Variants in ASB4 observed in about 807,000 individuals in gnomAD.
ASB4 encodes the protein ankyrin repeat and SOCS box protein 4.
A neutral mutation model predicts 38.6 loss-of-function variants in ASB4; 35 were observed. The ratio of observed to expected loss-of-function variants is 0.91; its 90% CI spans 0.69 to 1.20. The LOEUF is 1.20. Ranked by LOEUF, ASB4 falls within the 50% of genes most tolerant of loss-of-function variation. The pLI is 0.00. For missense variants in ASB4, 557 were observed against 527.2 expected (o/e 1.06, Z -0.55); for synonymous variants, 195 against 201.3 (o/e 0.97, Z 0.26).
At chr7:95,500,786 C>A (rs1790325264) in intron 2 of ASB4, among the ~76,000 whole-genome samples, 1 of 152,114 alleles carries the variant, frequency 6.6e-6, no homozygotes, top group African/African-American at 2.4e-5. Context: ...ACTGTTATTT[C>A]TATGAATCAC....
upstream of ASB4, chr7:95,485,934 C>G (rs759416447): frequency 8.1e-6 from 13 of 1,595,206 alleles, no homozygotes; most frequent in Non-Finnish European, 1.1e-5. Flanking sequence ...GCTGTTCTCT[C>G]GATAAATCAC....
At chr7:95,489,666 GC>G (rs1269551037) in intron 1 of ASB4, among the ~76,000 whole-genome samples, 1 of 152,132 alleles carries the variant, frequency 6.6e-6, no homozygotes, top group Non-Finnish European at 1.5e-5. Flanking sequence ...AGCCAAAATT[GC>G]GTTTACCAGA....
downstream of ASB4, chr7:95,543,727 A>G (rs1790999003): frequency 6.6e-6 from 1 of 152,250 alleles, no homozygotes; most frequent in African/African-American, 2.4e-5. Flanking sequence ...TGATGCACGT[A>G]GATGAACATT....
At chr7:95,479,812 TTC>T (rs954548620) in intron 1 of ASB4, among the ~76,000 whole-genome samples, 2 of 152,156 alleles carry the variant, frequency 1.3e-5, no homozygotes, top group African/African-American at 4.8e-5. Flanking sequence ...TAAATGCATA[TTC>T]ATCAGTTATA....
At chr7:95,527,210 C>A (rs907939554) in intron 2 of ASB4, among the ~76,000 whole-genome samples, 3 of 151,890 alleles carry the variant, frequency 2.0e-5, no homozygotes, top group Non-Finnish European at 4.4e-5. Context: ...TGTGTGCATG[C>A]ACAGGCATAT....
chr7:95,521,658 CAAGG>C, intron 2 of ASB4, among the ~76,000 whole-genome samples: 1 of 146,570 alleles, frequency 6.8e-6, no homozygotes, highest in Non-Finnish European at 1.5e-5. Flanking sequence ...GTGGTTTATA[CAAGG>C]TAATTCTGTT....
chr7:95,535,672 T>C (rs918648850), intron 3 of ASB4, among the ~76,000 whole-genome samples: 5 of 152,356 alleles, frequency 3.3e-5, no homozygotes, highest in African/African-American at 1.2e-4. Flanking sequence ...TCTGGCCATC[T>C]TGACTAAGCT....
At chr7:95,544,825 G>T (rs1318122334), downstream of ASB4, among the ~76,000 whole-genome samples, 1 of 152,032 alleles carries the variant, frequency 6.6e-6, no homozygotes, top group African/African-American at 2.4e-5. Context: ...CTCCCAAGTA[G>T]CTGGGATTAC....
chr7:95,536,698 A>G (rs1167853554), intron 4 of ASB4, 148 bp downstream of exon 4: 1 of 532,076 alleles, frequency 1.9e-6, no homozygotes, highest in Non-Finnish European at 3.3e-6. Context: ...TATAAAATGC[A>G]GGTTTGAGAG....
intron 1 of ASB4, 111 bp downstream of exon 1, chr7:95,486,269 T>C (rs1178719130): frequency 1.3e-6 from 1 of 795,992 alleles, no homozygotes; most frequent in Non-Finnish European, 1.9e-6. Context: ...TAAGTATTCA[T>C]TTAAAAAATA....
chr7:95,517,239 G>C (rs766378652), intron 2 of ASB4, among the ~76,000 whole-genome samples: 16 of 152,214 alleles, frequency 1.1e-4, no homozygotes, highest in Non-Finnish European at 2.2e-4. Flanking sequence ...AGCCATCATA[G>C]CTCACTGTAA....
At chr7:95,482,527 C>T (rs1009920173), upstream of ASB4, among the ~76,000 whole-genome samples, 2 of 152,116 alleles carry the variant, frequency 1.3e-5, no homozygotes, top group South Asian at 4.1e-4. Context: ...CAAAGACAGC[C>T]GTTGTGAGAC....
At chr7:95,488,201 C>A (rs1051460612) in intron 1 of ASB4, among the ~76,000 whole-genome samples, 1 of 152,118 alleles carries the variant, frequency 6.6e-6, no homozygotes, top group Admixed American at 6.5e-5. Context: ...ATTAGCCAGG[C>A]GCGGTGGCGG....
upstream of ASB4, among the ~76,000 whole-genome samples, chr7:95,484,834 T>G (rs981661603): frequency 2.6e-5 from 4 of 151,854 alleles, no homozygotes; most frequent in African/African-American, 4.8e-5. Context: ...ATTTGAAAAA[T>G]TTCAAACTTA....
chr7:95,521,917 A>C (rs1585814243), intron 2 of ASB4, among the ~76,000 whole-genome samples: 1 of 152,118 alleles, frequency 6.6e-6, no homozygotes, highest in East Asian at 1.9e-4. Context: ...AGAAAGAAGA[A>C]AGAAAAGGGC....
chr7:95,520,319 A>G (rs1394046033), intron 2 of ASB4, among the ~76,000 whole-genome samples: 1 of 152,242 alleles, frequency 6.6e-6, no homozygotes, highest in Non-Finnish European at 1.5e-5. Flanking sequence ...TCTTCCAGCC[A>G]ACTAAGAGAC....
intron 2 of ASB4, among the ~76,000 whole-genome samples, chr7:95,496,385 A>G (rs1790248638): frequency 6.6e-6 from 1 of 152,218 alleles, no homozygotes; most frequent in Non-Finnish European, 1.5e-5. Context: ...TATTCTAATA[A>G]GGGAGACAAA....
intron 1 of ASB4, among the ~76,000 whole-genome samples, chr7:95,488,236 GAGGCTGAGAC>G (rs1562808844): frequency 6.6e-6 from 1 of 152,190 alleles, no homozygotes; most frequent in African/African-American, 2.4e-5. Context: ...AGCTACTCCC[GAGGCTGAGAC>G]AGGAGAATGG....
chr7:95,540,156 G>C lies in ASB4; in HGVS notation c.*2397G>C, dbSNP rs912917906. 1.3e-5 allele frequency: 2 copies of C among 152,016 alleles called. No homozygotes were observed. The highest frequency in any genetic ancestry group is 4.8e-5 in the African/African-American group (2 of 41,390). The allele number at this position is 152,016 out of a possible 1,614,324, so 9.4% of individuals were successfully genotyped here. A position where few individuals can be genotyped will look rare whatever the true frequency, so the allele number is the denominator to read the frequency against. On this transcript the variant is annotated 3_prime_UTR_variant, in exon 5 of 5. Coordinates refer to ENST00000325885, the MANE Select transcript of ASB4 (RefSeq NM_016116.3). ...GCTACTTGTTTGTAATTTTTTTATT[G>C]GTGGAATTAAAGTAATTTTTCCTTA...
Sources: gnomAD v4.1 joint callset for allele counts (sites outside exome capture counted in the v4.1 genomes callset) on GRCh38, gnomAD v4.1.1 for gene constraint, MANE v1.5 for transcripts, NCBI Gene and HGNC (gene_info 2026-07-23, HGNC 2026-07-21) for gene names.